Variants in FAAH2 observed in about 807,000 individuals in gnomAD.
The protein encoded by FAAH2 is fatty-acid amide hydrolase 2.
FAAH2 carries 60 observed loss-of-function variants against 36.9 expected under a neutral mutation model. That is an observed-to-expected ratio of 1.63 (90% CI 1.32 to 2.02). The LOEUF is 2.02. FAAH2 is among the 30% of genes most tolerant of loss of function. FAAH2 has a pLI of 0.00. For missense variants in FAAH2, 689 were observed against 397.5 expected, an observed-to-expected ratio of 1.73 and a Z score of -6.23; for synonymous variants, 214 against 143.8, an observed-to-expected ratio of 1.49 and a Z score of -3.49.
chrX:57,334,268 TCA>T (rs60873866), intron 4 of FAAH2, among the ~76,000 whole-genome samples: 20 of 85,717 alleles, frequency 2.3e-4, no homozygotes, highest in South Asian at 1.4e-3. Flanking sequence ...AGATTCCGTC[TCA>T]CACACACACA....
intron 1 of FAAH2, 145 bp downstream of exon 1, chrX:57,287,162 T>G: frequency 1.7e-6 from 1 of 585,112 alleles, no homozygotes; most frequent in Non-Finnish European, 2.5e-6. Flanking sequence ...AAGGGAGACT[T>G]CTGGGTGTTG....
At chrX:57,178,819 G>A in the FAAH2 span, among the ~76,000 whole-genome samples, 1 of 111,778 alleles carries the variant, frequency 8.9e-6, no homozygotes, top group Non-Finnish European at 1.9e-5. Context: ...GCAGCTACTT[G>A]GGTTCCAGGC....
At chrX:57,384,305 A>G (rs1301108297) in intron 7 of FAAH2, among the ~76,000 whole-genome samples, 3 of 105,293 alleles carry the variant, frequency 2.8e-5, no homozygotes, top group Admixed American at 1.0e-4. Flanking sequence ...AATGGCAACA[A>G]AAGCCAAAAT....
chrX:57,463,801 G>T (rs1336563836), intron 10 of FAAH2, among the ~76,000 whole-genome samples: 1 of 111,622 alleles, frequency 9.0e-6, no homozygotes, highest in Non-Finnish European at 1.9e-5. Flanking sequence ...TTACACTGAT[G>T]GTGGAAGTGT....
intron 7 of FAAH2, among the ~76,000 whole-genome samples, chrX:57,402,944 G>T (rs1226162566): frequency 8.9e-6 from 1 of 111,903 alleles, no homozygotes; most frequent in Non-Finnish European, 1.9e-5. Flanking sequence ...TGCAGTTATG[G>T]TGGCACTTCT....
intron 3 of FAAH2, among the ~76,000 whole-genome samples, chrX:57,320,587 C>A (rs1450884406): frequency 8.9e-6 from 1 of 112,170 alleles, no homozygotes; most frequent in Non-Finnish European, 1.9e-5. Flanking sequence ...TAAATTAGTT[C>A]AATCATTGTT....
intron 2 of FAAH2, among the ~76,000 whole-genome samples, chrX:57,299,485 C>T (rs1357254572): frequency 9.0e-6 from 1 of 111,047 alleles, no homozygotes; most frequent in African/African-American, 3.3e-5. Context: ...TATGACAAAC[C>T]CACAGCCAAT....
intron 5 of FAAH2, among the ~76,000 whole-genome samples, chrX:57,375,651 C>A (rs2054656075): frequency 9.0e-6 from 1 of 110,755 alleles, no homozygotes; most frequent in Non-Finnish European, 1.9e-5. Context: ...ATATCATAGA[C>A]AATGGTTTGG....
chrX:57,479,303 A>G (rs1188883060), intron 10 of FAAH2, among the ~76,000 whole-genome samples: 9 of 111,367 alleles, frequency 8.1e-5, no homozygotes, highest in African/African-American at 1.6e-4. Context: ...TGTTATTGGT[A>G]TATAAGAATG....
chrX:57,185,011 G>A, the FAAH2 span, among the ~76,000 whole-genome samples: 9 of 111,194 alleles, frequency 8.1e-5, no homozygotes, highest in Non-Finnish European at 1.5e-4. Context: ...CGATACAGGC[G>A]TGCAATGCAT....
At chrX:57,250,431 A>G in the FAAH2 span, among the ~76,000 whole-genome samples, 4 of 111,981 alleles carry the variant, frequency 3.6e-5, no homozygotes, top group Admixed American at 9.5e-5. Context: ...TGTATGATAT[A>G]TGAATTGTAT....
chrX:57,255,501 A>C, the FAAH2 span, among the ~76,000 whole-genome samples: 1 of 112,197 alleles, frequency 8.9e-6, no homozygotes, highest in Non-Finnish European at 1.9e-5. Flanking sequence ...AATATCCCTG[A>C]TGAAGATCAA....
chrX:57,205,616 G>A, the FAAH2 span, among the ~76,000 whole-genome samples: 1 of 111,939 alleles, frequency 8.9e-6, no homozygotes, highest in Non-Finnish European at 1.9e-5. Context: ...CTGAAGTATA[G>A]GGCATCTGAA....
At chrX:57,277,531 C>T in the FAAH2 span, among the ~76,000 whole-genome samples, 1 of 111,962 alleles carries the variant, frequency 8.9e-6, no homozygotes, top group South Asian at 3.7e-4. Context: ...GATGCCCTCT[C>T]TCACCACTCC....
chrX:57,337,308 G>T (rs6612779), intron 4 of FAAH2, among the ~76,000 whole-genome samples: 57,218 of 103,457 alleles, frequency 0.55, 14,220 homozygotes, highest in Non-Finnish European at 0.75. Flanking sequence ...TGGATTTACA[G>T]CTGAATTCTA....
chrX:57,358,106 T>C (rs1192555832), intron 5 of FAAH2, among the ~76,000 whole-genome samples: 2 of 111,356 alleles, frequency 1.8e-5, no homozygotes, highest in African/African-American at 3.3e-5. Context: ...TATAGTGTTC[T>C]TCTTTGCCTA....
At chrX:57,252,976 G>A in the FAAH2 span, among the ~76,000 whole-genome samples, 3 of 111,548 alleles carry the variant, frequency 2.7e-5, no homozygotes, top group African/African-American at 9.8e-5. Context: ...CCGAGCTAAA[G>A]GAGCATGATC....
intron 7 of FAAH2, among the ~76,000 whole-genome samples, chrX:57,384,640 A>C (rs1392151933): frequency 9.0e-6 from 1 of 110,900 alleles, no homozygotes; most frequent in African/African-American, 3.2e-5. Flanking sequence ...ATCTCACACC[A>C]GTTAGAATGG....
intron 7 of FAAH2, among the ~76,000 whole-genome samples, chrX:57,419,786 C>T (rs1422273836): frequency 9.0e-6 from 1 of 111,675 alleles, no homozygotes; most frequent in South Asian, 3.7e-4. Flanking sequence ...GACATGAAGT[C>T]CTTGCCCATG....
Sources: allele counts gnomAD v4.1 joint callset (sites outside exome capture counted in the v4.1 genomes callset), GRCh38; gene constraint gnomAD v4.1.1; transcripts MANE v1.5; gene names NCBI Gene and HGNC (gene_info 2026-07-23, HGNC 2026-07-21).